Variants in KCNN2 observed in about 807,000 individuals in gnomAD.
The protein encoded by KCNN2 is small conductance calcium-activated potassium channel protein 2.
In KCNN2, 24 loss-of-function variants were observed where a neutral mutation model predicts 55.5. The ratio of observed to expected loss-of-function variants is 0.43; its 90% CI spans 0.31 to 0.61. The LOEUF is 0.61. KCNN2 is among the 20% of genes least tolerant of loss of function. KCNN2 has a pLI of 0.08. For synonymous variants in KCNN2, 431 were observed against 336.1 expected (o/e 1.28, Z -3.09); for missense variants, 754 against 853.6 (o/e 0.88, Z 1.45).
intron 1 of KCNN2, among the ~76,000 whole-genome samples, chr5:114,118,403 G>A (rs73782163): frequency 0.017 from 2,645 of 152,224 alleles, 83 homozygotes; most frequent in African/African-American, 0.06. Flanking sequence ...TCTACAGTCT[G>A]CAAGTTGGAG....
chr5:114,071,632 A>G (rs1750570915), intron 1 of KCNN2, among the ~76,000 whole-genome samples: 1 of 152,242 alleles, frequency 6.6e-6, no homozygotes, highest in Non-Finnish European at 1.5e-5. Context: ...TGTACAGAAT[A>G]TATGTATCAC....
intron 1 of KCNN2, among the ~76,000 whole-genome samples, chr5:114,163,030 C>A (rs935967025): frequency 2.0e-5 from 3 of 152,164 alleles, no homozygotes; most frequent in African/African-American, 4.8e-5. Flanking sequence ...GTCTGGCAAT[C>A]CCCAGTGAGA....
intron 2 of KCNN2, among the ~76,000 whole-genome samples, chr5:114,304,599 G>A (rs575854850): frequency 2.6e-5 from 4 of 152,252 alleles, no homozygotes; most frequent in African/African-American, 9.6e-5. Context: ...CAAAAGGTGT[G>A]GCCTTACTCC....
intron 2 of KCNN2, among the ~76,000 whole-genome samples, chr5:114,383,041 C>T (rs1758173333): frequency 6.6e-6 from 1 of 152,156 alleles, no homozygotes; most frequent in Non-Finnish European, 1.5e-5. Context: ...TCTAAAGCCT[C>T]AAGGGAGGGG....
At chr5:114,323,392 A>G (rs35972488) in intron 2 of KCNN2, among the ~76,000 whole-genome samples, 1,916 of 152,318 alleles carry the variant, frequency 0.013, 42 homozygotes, top group Admixed American at 0.061. Flanking sequence ...TTTTGGTACC[A>G]TCATAAGCAC....
At chr5:114,371,261 A>G (rs1471150937) in intron 2 of KCNN2, among the ~76,000 whole-genome samples, 1 of 152,152 alleles carries the variant, frequency 6.6e-6, no homozygotes, top group South Asian at 2.1e-4. Flanking sequence ...GTACAGAGGA[A>G]GTCTGTACCG....
Position 114,123,401 on chromosome 5 carries a change from T to C in KCNN2, c.-271+66901T>C, listed in dbSNP as rs947607960. Among the ~76,000 whole-genome samples, 12 of 60,766 alleles carry C rather than the reference T, an allele frequency of 2.0e-4. 3 individuals are homozygous for C. Among genetic ancestry groups the C allele is most frequent in the Non-Finnish European group, 3.0e-4 (9 of 29,582 alleles). The allele number at this position is 60,766 out of a possible 152,430, so 39.9% of individuals were successfully genotyped here. On this transcript the variant is annotated intron_variant, in intron 1 of 10. Transcript: ENST00000512097. ...TTTTTGAGACAGAGTCTCGCTCTGT[T>C]GCCCAGGCTGGAGTGCAGTGGCGCG...
intron 2 of KCNN2, among the ~76,000 whole-genome samples, chr5:114,312,428 C>CATAT (rs1756417704): frequency 4.5e-5 from 1 of 22,212 alleles, no homozygotes; most frequent in Non-Finnish European, 1.0e-4. Flanking sequence ...CACACACACA[C>CATAT]ACACACATAT....
chr5:114,070,022 T>C (rs1369311103), intron 1 of KCNN2, among the ~76,000 whole-genome samples: 1 of 152,226 alleles, frequency 6.6e-6, no homozygotes, highest in Non-Finnish European at 1.5e-5. Context: ...AGCTCAAACA[T>C]TTTACATCGC....
At chr5:114,156,381 C>G (rs1752635929) in intron 1 of KCNN2, among the ~76,000 whole-genome samples, 2 of 151,898 alleles carry the variant, frequency 1.3e-5, no homozygotes, top group South Asian at 4.2e-4. Context: ...TTTTGGTTCC[C>G]TATGAATTTT....
intron 2 of KCNN2, among the ~76,000 whole-genome samples, chr5:114,395,332 A>G (rs560060522): frequency 6.6e-6 from 1 of 152,290 alleles, no homozygotes; most frequent in South Asian, 2.1e-4. Context: ...TGGAAAGTTC[A>G]TGCTCATGGT....
At chr5:114,443,706 T>C (rs1760299315) in intron 3 of KCNN2, among the ~76,000 whole-genome samples, 1 of 152,250 alleles carries the variant, frequency 6.6e-6, no homozygotes, top group South Asian at 2.1e-4. Flanking sequence ...ATTTTTATAG[T>C]AGAAGTAATC....
At chr5:114,387,247 G>C (rs950516966) in intron 2 of KCNN2, among the ~76,000 whole-genome samples, 2 of 152,222 alleles carry the variant, frequency 1.3e-5, no homozygotes. Flanking sequence ...CATGATTTGT[G>C]CTTAATCACT....
intron 4 of KCNN2, among the ~76,000 whole-genome samples, chr5:114,468,689 A>G (rs1037100818): frequency 6.6e-6 from 1 of 152,196 alleles, no homozygotes; most frequent in Non-Finnish European, 1.5e-5. Flanking sequence ...CTGTAGCAGT[A>G]AAAATTCTGG....
intron 2 of KCNN2, among the ~76,000 whole-genome samples, chr5:114,289,026 A>G (rs1356214324): frequency 1.3e-5 from 2 of 152,102 alleles, no homozygotes; most frequent in Non-Finnish European, 2.9e-5. Context: ...ATTTGTGCAG[A>G]TGGCGTAGAG....
intron 3 of KCNN2, among the ~76,000 whole-genome samples, chr5:114,437,185 T>G (rs1386215704): frequency 3.9e-5 from 6 of 152,120 alleles, no homozygotes; most frequent in African/African-American, 1.4e-4. Context: ...GATATATATA[T>G]AGAATCTGTC....
At chr5:114,417,176 G>T (rs964808026) in intron 3 of KCNN2, among the ~76,000 whole-genome samples, 1 of 152,124 alleles carries the variant, frequency 6.6e-6, no homozygotes, top group Admixed American at 6.5e-5. Flanking sequence ...TGTCCCAGAG[G>T]ACATAATGTT....
intron 1 of KCNN2, among the ~76,000 whole-genome samples, chr5:114,084,514 G>A (rs945990797): frequency 1.3e-5 from 2 of 151,866 alleles, no homozygotes; most frequent in Non-Finnish European, 2.9e-5. Flanking sequence ...TTTAAATTGG[G>A]TTGCTTGTTT....
At chr5:114,251,609 A>G (rs1754861782) in intron 2 of KCNN2, among the ~76,000 whole-genome samples, 1 of 152,142 alleles carries the variant, frequency 6.6e-6, no homozygotes, top group Non-Finnish European at 1.5e-5. Context: ...TCTTTGTTAC[A>G]TTCAGTAAGT....
Sources: gnomAD v4.1 joint callset for allele counts (sites outside exome capture counted in the v4.1 genomes callset) on GRCh38, gnomAD v4.1.1 for gene constraint, MANE v1.5 for transcripts, NCBI Gene and HGNC (gene_info 2026-07-23, HGNC 2026-07-21) for gene names.